GRIN2B: variants seen among roughly 807,000 people sequenced by gnomAD.
The protein encoded by GRIN2B is glutamate receptor ionotropic, NMDA 2B.
In GRIN2B, 5 loss-of-function variants were observed where a neutral mutation model predicts 114.5. The ratio of observed to expected loss-of-function variants is 0.04; its 90% CI spans 0.02 to 0.09. The LOEUF (loss-of-function observed/expected upper bound fraction) is 0.09, where lower values mean the gene tolerates loss of function less well. Ranked by LOEUF, GRIN2B falls within the 10% of genes least tolerant of loss-of-function variation. GRIN2B has a pLI of 1.00. For synonymous variants in GRIN2B, 787 were observed against 745.1 expected (o/e 1.06, Z -0.92); for missense variants, 1,108 against 1,943.5 (o/e 0.57, Z 8.08).
At chr12:13,748,394 G>A (rs867585472) in intron 4 of GRIN2B, among the ~76,000 whole-genome samples, 2 of 152,206 alleles carry the variant, frequency 1.3e-5, no homozygotes, top group African/African-American at 4.8e-5. Context: ...AGATTACAGA[G>A]TACATGGAGA....
rs949022414 is a variant in GRIN2B at position 13,571,786 on chromosome 12, C to G, written c.2171+18G>C. 1 of 1,613,758 alleles carries G rather than the reference C, an allele frequency of 6.2e-7. No homozygotes were observed. The highest frequency in any genetic ancestry group is 1.3e-5 in the African/African-American group (1 of 75,046). On this transcript the variant is annotated intron_variant, in intron 11 of 13. Coordinates refer to ENST00000609686, the MANE Select transcript of GRIN2B (RefSeq NM_000834.5). ...TGAGAAACAGATCAAGGACTCTGAG[C>G]TTGGAAGCAGTTCTTACCCTGTTTT...
At chr12:13,829,386 G>T (rs1320251076) in intron 3 of GRIN2B, among the ~76,000 whole-genome samples, 2 of 152,132 alleles carry the variant, frequency 1.3e-5, no homozygotes, top group African/African-American at 4.8e-5. Context: ...AATATGTGTT[G>T]AGTTACATAT....
At chr12:13,871,449 C>T (rs1477791201) in intron 2 of GRIN2B, among the ~76,000 whole-genome samples, 1 of 150,756 alleles carries the variant, frequency 6.6e-6, no homozygotes, top group African/African-American at 2.4e-5. Flanking sequence ...ACTAAAATTC[C>T]TTTGAACAGA....
intron 3 of GRIN2B, among the ~76,000 whole-genome samples, chr12:13,780,218 T>TC (rs1297400751): frequency 6.6e-6 from 1 of 151,986 alleles, no homozygotes; most frequent in Non-Finnish European, 1.5e-5. Flanking sequence ...ATAGCCCAAG[T>TC]ATAGGACAGT....
At position 13,969,237 on chromosome 12, in the gene GRIN2B, G is replaced by T. The variant is rs773848896; in HGVS notation, c.-19+10691C>A. Reference sequence around the variant, plus strand: ...CCAACAGCAAAGCCCCAAGAGAAGGGATCTAGAAGAAAATCACTTTAGCTG... The same window carrying T: ...CCAACAGCAAAGCCCCAAGAGAAGGTATCTAGAAGAAAATCACTTTAGCTG... On this transcript the variant is annotated intron_variant, in intron 2 of 13. Coordinates refer to ENST00000609686, the MANE Select transcript of GRIN2B (RefSeq NM_000834.5). 3.3e-5 allele frequency among the ~76,000 whole-genome samples: 5 copies of T among 152,236 alleles called. No individual in the cohort carries two copies. The East Asian group carries it at 9.6e-4, about 29-fold the overall frequency.
chr12:13,546,470 T>C lies in GRIN2B; in HGVS notation c.*16313A>G, dbSNP rs1441890482. 2 of 152,220 alleles carry C rather than the reference T, an allele frequency of 1.3e-5. No individual in the cohort carries two copies. Among genetic ancestry groups the C allele is most frequent in the African/African-American group, 4.8e-5 (2 of 41,450 alleles). 9.4% of individuals were successfully genotyped at this position (152,220 alleles called of 1,614,324 possible). Reference sequence around the variant, plus strand: ...CTCTGAGGGAATACACCAGAGCATCTGGATGTGGGTGTCATCGTCTCTTCA... The same window carrying C: ...CTCTGAGGGAATACACCAGAGCATCCGGATGTGGGTGTCATCGTCTCTTCA... On this transcript the variant is annotated 3_prime_UTR_variant, in exon 14 of 14. Transcript: ENST00000609686.
chr12:13,791,620 C>A (rs935335675), intron 3 of GRIN2B, among the ~76,000 whole-genome samples: 2 of 152,058 alleles, frequency 1.3e-5, no homozygotes, highest in African/African-American at 4.8e-5. Flanking sequence ...TGAATAAACA[C>A]CTCTATTAGC....
chr12:13,644,461 C>T (rs574361731), intron 5 of GRIN2B, among the ~76,000 whole-genome samples: 20 of 152,142 alleles, frequency 1.3e-4, no homozygotes, highest in African/African-American at 3.4e-4. Flanking sequence ...TAAATTAAGC[C>T]GAATTCTGAA....
At chr12:13,655,969 C>G (rs1282397953) in intron 5 of GRIN2B, among the ~76,000 whole-genome samples, 2 of 152,180 alleles carry the variant, frequency 1.3e-5, no homozygotes, top group African/African-American at 4.8e-5. Context: ...TTCCTTACCT[C>G]TTTTGAGAAA....
At chr12:13,582,061 A>G (rs189081227) in intron 10 of GRIN2B, among the ~76,000 whole-genome samples, 30 of 152,356 alleles carry the variant, frequency 2.0e-4, no homozygotes, top group Non-Finnish European at 3.5e-4. Context: ...GAATTTTAAC[A>G]ATGTTCCAAA....
In GRIN2B at chr12:13,559,833, CTG is replaced by C. The variant is rs1948519600; in HGVS notation, c.*2948_*2949del. On this transcript the variant is annotated 3_prime_UTR_variant, in exon 14 of 14. Transcript: ENST00000609686. ...CCTAAAGAAGAAAAGACTCAGATGACTGAGACGATTGTTTCAGCATCAGAGGA... is the reference window on the plus strand; with the variant it reads ...CCTAAAGAAGAAAAGACTCAGATGACAGACGATTGTTTCAGCATCAGAGGA... 1 of 152,178 alleles carries C rather than the reference CTG, an allele frequency of 6.6e-6. No homozygotes were observed. The highest frequency in any genetic ancestry group is 1.5e-5 in the Non-Finnish European group (1 of 68,048). The allele number at this position is 152,178 out of a possible 1,614,324, so 9.4% of individuals were successfully genotyped here. A position where few individuals can be genotyped will look rare whatever the true frequency, so the allele number is the denominator to read the frequency against.
intron 2 of GRIN2B, among the ~76,000 whole-genome samples, chr12:13,940,005 A>C (rs934506631): frequency 6.6e-6 from 1 of 152,170 alleles, no homozygotes; most frequent in African/African-American, 2.4e-5. Flanking sequence ...TAAACCTGTA[A>C]GTGCAGGTCC....
At chr12:13,693,896 A>C (rs533978723) in intron 4 of GRIN2B, among the ~76,000 whole-genome samples, 13 of 152,184 alleles carry the variant, frequency 8.5e-5, no homozygotes, top group African/African-American at 3.1e-4. Context: ...TGCACTGAAA[A>C]ATGAGTTAGA....
chr12:13,648,478 T>C (rs1339246390), intron 5 of GRIN2B, among the ~76,000 whole-genome samples: 2 of 151,978 alleles, frequency 1.3e-5, no homozygotes, highest in East Asian at 1.9e-4. Flanking sequence ...ACTAAGTCAC[T>C]TGGAAGACCA....
Position 13,546,753 on chromosome 12 carries a change from G to A in GRIN2B, c.*16030C>T, listed in dbSNP as rs551568688. The A allele has an allele frequency of 6.6e-6, 1 of 152,272 alleles. No homozygotes were observed. The highest frequency in any genetic ancestry group is 2.1e-4 in the South Asian group (1 of 4,824). 9.4% of individuals were successfully genotyped at this position (152,272 alleles called of 1,614,324 possible). On this transcript the variant is annotated 3_prime_UTR_variant, in exon 14 of 14. Transcript: ENST00000609686. ...AGGGCCAAGGGGAGCTGAGGATAGT[G>A]TCACATTACCAGCATGTTCAAGCTA...
intron 4 of GRIN2B, among the ~76,000 whole-genome samples, chr12:13,709,858 T>C (rs1346811998): frequency 1.3e-5 from 2 of 152,136 alleles, no homozygotes; most frequent in East Asian, 3.9e-4. Context: ...CTCTGAAAAA[T>C]GGTTGGCCAT....
intron 8 of GRIN2B, among the ~76,000 whole-genome samples, chr12:13,612,195 A>G (rs1299299716): frequency 6.6e-6 from 1 of 152,222 alleles, no homozygotes; most frequent in African/African-American, 2.4e-5. Flanking sequence ...GACTGACTCA[A>G]TTTATGTTCT....
chr12:13,601,218 A>C (rs1227718564), intron 10 of GRIN2B, among the ~76,000 whole-genome samples: 1 of 152,226 alleles, frequency 6.6e-6, no homozygotes, highest in Admixed American at 6.5e-5. Flanking sequence ...CATAGTTCTG[A>C]AGGCCAGAAG....
chr12:13,790,764 TTGA>T (rs1864306671), intron 3 of GRIN2B, among the ~76,000 whole-genome samples: 1 of 152,182 alleles, frequency 6.6e-6, no homozygotes, highest in Non-Finnish European at 1.5e-5. Flanking sequence ...CCCACTCTTG[TTGA>T]TGAAGCTGTT....
Sources: allele counts gnomAD v4.1 joint callset (sites outside exome capture counted in the v4.1 genomes callset), GRCh38; gene constraint gnomAD v4.1.1; transcripts MANE v1.5; gene names NCBI Gene and HGNC (gene_info 2026-07-23, HGNC 2026-07-21).